Variants in PCDH15 observed in about 807,000 individuals in gnomAD.
PCDH15 encodes the protein protocadherin-15.
In PCDH15, 129 loss-of-function variants were observed where a neutral mutation model predicts 178.5. The observed-to-expected ratio is 0.72, with a 90% CI of 0.63 to 0.84. The LOEUF (loss-of-function observed/expected upper bound fraction) is 0.84. Among genes scored for constraint, PCDH15 ranks in the 40% least tolerant of loss-of-function variants. PCDH15 has a pLI of 0.00. For missense variants in PCDH15, 2,230 were observed against 2,099.9 expected, an observed-to-expected ratio of 1.06 and a Z score of -1.21; for synonymous variants, 800 against 732.0, an observed-to-expected ratio of 1.09 and a Z score of -1.50.
At chr10:54,433,511 A>G (rs1388435995) in intron 3 of PCDH15, among the ~76,000 whole-genome samples, 1 of 152,146 alleles carries the variant, frequency 6.6e-6, no homozygotes, top group African/African-American at 2.4e-5. Context: ...CTAAAACTTA[A>G]AACAACTGAA....
intron 2 of PCDH15, among the ~76,000 whole-genome samples, chr10:54,599,057 C>T (rs529757986): frequency 4.9e-4 from 74 of 152,000 alleles, no homozygotes; most frequent in African/African-American, 1.8e-3. Context: ...TTGCCCAAAG[C>T]AATTTGTACA....
chr10:54,363,988 G>A (rs1029826161), intron 5 of PCDH15, among the ~76,000 whole-genome samples: 9 of 151,986 alleles, frequency 5.9e-5, no homozygotes, highest in East Asian at 1.9e-4. Context: ...TGAGGCAGGC[G>A]GATCACCTGA....
At chr10:54,620,142 G>T (rs773797815) in intron 2 of PCDH15, among the ~76,000 whole-genome samples, 17 of 152,000 alleles carry the variant, frequency 1.1e-4, no homozygotes, top group Non-Finnish European at 1.8e-4. Context: ...GCCCACAAAA[G>T]CCCTAAAGAT....
Position 54,236,949 on chromosome 10 carries a change from A to G in PCDH15, c.877-18T>C. 6.3e-7 allele frequency: 1 copy of G among 1,584,540 alleles called. No individual in the cohort carries two copies. The highest frequency in any genetic ancestry group is 8.7e-7 in the Non-Finnish European group (1 of 1,153,206). On this transcript the variant is annotated intron_variant, in intron 8 of 37. Coordinates refer to ENST00000644397, the MANE Select transcript of PCDH15 (RefSeq NM_001384140.1). The stretch of plus-strand genomic sequence containing the variant: ...AGTTCTTCCTGAAAAAAAAATTAAG[A>G]GAGTTTCATTCAGCCGCATTACTAA...
intron 1 of PCDH15, among the ~76,000 whole-genome samples, chr10:55,174,782 G>A (rs1839432104): frequency 6.6e-6 from 1 of 152,098 alleles, no homozygotes; most frequent in Non-Finnish European, 1.5e-5. Context: ...CTCATTTTAA[G>A]TGGGTCCCAG....
At position 55,606,554 on chromosome 10, in the gene PCDH15, G is replaced by A. The variant is rs866929485; in HGVS notation, c.-156+21071C>T. 6.3e-4 allele frequency among the ~76,000 whole-genome samples: 89 copies of A among 140,660 alleles called. No individual in the cohort carries two copies. The South Asian group carries it at 0.022, about 34-fold the overall frequency. The allele number at this position is 140,660 out of a possible 152,430, so 92.3% of individuals were successfully genotyped here. ...GTACTGGTACCAAAACAGAGATTTA[G>A]ATCAATGGAACAGAACAGAGCCCTC... On this transcript the variant is annotated intron_variant, in intron 2 of 5. Transcript: ENST00000613346.
At chr10:55,220,856 T>A (rs1313484242) in intron 1 of PCDH15, among the ~76,000 whole-genome samples, 2 of 152,036 alleles carry the variant, frequency 1.3e-5, no homozygotes, top group Non-Finnish European at 2.9e-5. Flanking sequence ...CATTCAGTGT[T>A]TTTTTGTTTT....
chr10:55,413,866 T>A (rs1215616200), intron 2 of PCDH15, among the ~76,000 whole-genome samples: 2 of 151,486 alleles, frequency 1.3e-5, no homozygotes, highest in Non-Finnish European at 3.0e-5. Context: ...TGAAGAGTGG[T>A]CAAGTTTCTA....
At chr10:54,774,477 C>T (rs1022889900) in intron 1 of PCDH15, among the ~76,000 whole-genome samples, 1 of 152,044 alleles carries the variant, frequency 6.6e-6, no homozygotes, top group Non-Finnish European at 1.5e-5. Flanking sequence ...ATAAGTGTCA[C>T]AAATTTAAAA....
At chr10:53,981,578 C>A (rs1408498441) in intron 21 of PCDH15, among the ~76,000 whole-genome samples, 1 of 151,482 alleles carries the variant, frequency 6.6e-6, no homozygotes, top group Non-Finnish European at 1.5e-5. Context: ...AAAGGATTCC[C>A]TATTTAATAA....
At chr10:54,178,471 G>A (rs2047656682) in intron 13 of PCDH15, among the ~76,000 whole-genome samples, 1 of 152,070 alleles carries the variant, frequency 6.6e-6, no homozygotes, top group Non-Finnish European at 1.5e-5. Context: ...GCAAAGGGAA[G>A]GGATTAGTCA....
At chr10:55,570,876 G>A (rs7080066) in intron 2 of PCDH15, among the ~76,000 whole-genome samples, 115,842 of 151,994 alleles carry the variant, frequency 0.76, 45,474 homozygotes, top group East Asian at 0.99. Context: ...CGTCTGTTTA[G>A]CTTGGCATTA....
chr10:55,552,157 A>C lies in PCDH15; in HGVS notation c.-156+75468T>G, dbSNP rs186708586. Among the ~76,000 whole-genome samples the C allele has an allele frequency of 4.0e-3, 604 of 151,856 alleles. 4 individuals are homozygous for C. Among genetic ancestry groups the C allele is most frequent in the Middle Eastern group, 0.014 (4 of 292 alleles). On this transcript the variant is annotated intron_variant, in intron 2 of 5. Transcript: ENST00000613346. ...CTTAAATGCTTTAAAATATCAAATAAAATATTGCCTTCTGGAATTACTCAT... is the reference window on the plus strand; with the variant it reads ...CTTAAATGCTTTAAAATATCAAATACAATATTGCCTTCTGGAATTACTCAT...
At chr10:53,883,226 A>G (rs2080859439) in intron 26 of PCDH15, among the ~76,000 whole-genome samples, 1 of 152,062 alleles carries the variant, frequency 6.6e-6, no homozygotes, top group African/African-American at 2.4e-5. Flanking sequence ...GTGTGTGTGT[A>G]TTCTTCCAGC....
chr10:55,449,651 T>C (rs865874641), intron 2 of PCDH15, among the ~76,000 whole-genome samples: 1 of 152,162 alleles, frequency 6.6e-6, no homozygotes, highest in African/African-American at 2.4e-5. Flanking sequence ...AATAATAAAA[T>C]TGTATAGATT....
At chr10:55,586,004 T>C (rs1478558339) in intron 2 of PCDH15, among the ~76,000 whole-genome samples, 1 of 152,100 alleles carries the variant, frequency 6.6e-6, no homozygotes, top group Non-Finnish European at 1.5e-5. Flanking sequence ...CACTTATGTG[T>C]ATGAATTCAG....
intron 14 of PCDH15, among the ~76,000 whole-genome samples, chr10:54,135,135 G>A (rs572195009): frequency 2.0e-5 from 3 of 151,308 alleles, no homozygotes; most frequent in South Asian, 2.1e-4. Context: ...CCCGGGAGAC[G>A]GAGGTTGTAG....
intron 2 of PCDH15, among the ~76,000 whole-genome samples, chr10:55,464,940 C>A (rs958001245): frequency 6.2e-5 from 9 of 144,784 alleles, no homozygotes; most frequent in Non-Finnish European, 9.2e-5. Context: ...CAAACAACAA[C>A]AAAAAAACAG....
chr10:55,091,162 C>G (rs1327156006), intron 2 of PCDH15, among the ~76,000 whole-genome samples: 2 of 151,866 alleles, frequency 1.3e-5, no homozygotes, highest in Non-Finnish European at 2.9e-5. Flanking sequence ...TAATGACCCT[C>G]AATTATACTT....
Sources: allele counts gnomAD v4.1 joint callset (sites outside exome capture counted in the v4.1 genomes callset), GRCh38; gene constraint gnomAD v4.1.1; transcripts MANE v1.5; gene names NCBI Gene and HGNC (gene_info 2026-07-23, HGNC 2026-07-21).